The following NPAS3 variants were observed in gnomAD, a reference collection of about 807,000 sequenced individuals.
The protein encoded by NPAS3 is neuronal PAS domain protein 3, also known as neuronal PAS domain-containing protein 3.
A neutral mutation model predicts 73.1 loss-of-function variants in NPAS3; 14 were observed. The observed-to-expected ratio is 0.19, with a 90% CI of 0.13 to 0.30. The LOEUF (loss-of-function observed/expected upper bound fraction) is 0.30. Ranked by LOEUF, NPAS3 falls within the 10% of genes least tolerant of loss-of-function variation. The pLI is 1.00. For missense variants in NPAS3, 1,096 were observed against 1,250.0 expected, an observed-to-expected ratio of 0.88 and a Z score of 1.86; for synonymous variants, 620 against 541.5, an observed-to-expected ratio of 1.14 and a Z score of -2.01.
At chr14:33,027,716 C>T (rs2039856017) in intron 1 of NPAS3, among the ~76,000 whole-genome samples, 2 of 152,084 alleles carry the variant, frequency 1.3e-5, no homozygotes, top group Non-Finnish European at 2.9e-5. Flanking sequence ...ATTATAGATT[C>T]CTTTCCCTTC....
chr14:33,252,460 G>A (rs1367188222), intron 3 of NPAS3, among the ~76,000 whole-genome samples: 1 of 151,800 alleles, frequency 6.6e-6, no homozygotes, highest in Non-Finnish European at 1.5e-5. Context: ...CAGTGTAGTA[G>A]GTATTCTTAT....
In NPAS3 at chr14:33,433,627, A is replaced by T. The variant is rs573058135; in HGVS notation, c.468+66359A>T. ...TGCTTTTCTTAGCAAGCAGCAGCCA[A>T]GATAGGGCCTTGTACTCTTGGACTT... is the stretch of plus-strand genomic sequence containing the variant. On this transcript the variant is annotated intron_variant, in intron 4 of 11. Transcript: ENST00000356141. Among the ~76,000 whole-genome samples the T allele has an allele frequency of 8.5e-5, 13 of 152,298 alleles. No homozygotes were observed. The South Asian group carries it at 2.5e-3, about 29-fold the overall frequency.
intron 2 of NPAS3, among the ~76,000 whole-genome samples, chr14:33,136,091 C>T (rs996787020): frequency 4.9e-5 from 7 of 141,714 alleles, no homozygotes; most frequent in Admixed American, 7.4e-5. Flanking sequence ...GACAGAGTCT[C>T]GCTCTGTTAC....
intron 4 of NPAS3, among the ~76,000 whole-genome samples, chr14:33,464,663 G>A (rs2139538711): frequency 6.6e-6 from 1 of 152,318 alleles, no homozygotes; most frequent in East Asian, 1.9e-4. Flanking sequence ...CTGCAGCTGT[G>A]ACACAAGTTG....
chr14:33,714,189 C>T (rs886849187), intron 6 of NPAS3, among the ~76,000 whole-genome samples: 7 of 152,068 alleles, frequency 4.6e-5, no homozygotes, highest in African/African-American at 1.7e-4. Context: ...CTCTCTCCCT[C>T]AGCATTTCAT....
intron 5 of NPAS3, among the ~76,000 whole-genome samples, chr14:33,604,819 A>G (rs189660480): frequency 2.6e-5 from 4 of 152,234 alleles, no homozygotes; most frequent in Admixed American, 2.6e-4. Context: ...AAAAGCTTCA[A>G]ATATGTGGAA....
chr14:33,381,011 T>C (rs989265618), intron 4 of NPAS3, among the ~76,000 whole-genome samples: 1 of 152,176 alleles, frequency 6.6e-6, no homozygotes, highest in African/African-American at 2.4e-5. Flanking sequence ...TTTTTTTTTT[T>C]TTGTAAGTGG....
intron 2 of NPAS3, among the ~76,000 whole-genome samples, chr14:33,148,280 G>T (rs1566611033): frequency 6.6e-6 from 1 of 152,088 alleles, no homozygotes; most frequent in Non-Finnish European, 1.5e-5. Context: ...GCTTAGAAAT[G>T]TACTAAATTA....
At chr14:33,601,158 G>A (rs1472210892) in intron 5 of NPAS3, among the ~76,000 whole-genome samples, 2 of 152,280 alleles carry the variant, frequency 1.3e-5, no homozygotes, top group East Asian at 1.9e-4. Context: ...AATTTATGTC[G>A]TGAAACAAGT....
In NPAS3 at chr14:33,647,182, C is replaced by A. The variant is rs572530292; in HGVS notation, c.559-29029C>A. 2.0e-5 allele frequency among the ~76,000 whole-genome samples: 3 copies of A among 152,208 alleles called. 1 individual carries two copies. In the South Asian group the frequency reaches 6.2e-4, roughly 32 times the overall value. On this transcript the variant is annotated intron_variant, in intron 5 of 11. Transcript: ENST00000356141. The stretch of plus-strand genomic sequence containing the variant: ...TAATGAACTAGATAGTCTAAGTATC[C>A]TCAGAGCATAAATCCTTCCAGAATG...
At chr14:33,026,037 G>C (rs2039789227) in intron 1 of NPAS3, among the ~76,000 whole-genome samples, 1 of 152,118 alleles carries the variant, frequency 6.6e-6, no homozygotes, top group Admixed American at 6.5e-5. Flanking sequence ...TCTTCATTGA[G>C]GCCTTCACCG....
intron 5 of NPAS3, among the ~76,000 whole-genome samples, chr14:33,595,112 C>A (rs2057196370): frequency 6.6e-6 from 1 of 152,148 alleles, no homozygotes; most frequent in South Asian, 2.1e-4. Flanking sequence ...AGCTAAATTT[C>A]TCTGGATGTG....
Position 33,085,597 on chromosome 14 carries a change from A to G in NPAS3, c.140+29603A>G, listed in dbSNP as rs941101087. On this transcript the variant is annotated intron_variant, in intron 2 of 11. Transcript: ENST00000356141. ...TAAACCAAAGGTTTCTGGATCTTTA[A>G]TGCAAGCTGAGCCCCCCCAACACAC... Among the ~76,000 whole-genome samples the G allele has an allele frequency of 5.3e-5, 8 of 152,176 alleles. No individual in the cohort carries two copies. In the South Asian group the frequency reaches 6.2e-4, roughly 12 times the overall value.
intron 6 of NPAS3, among the ~76,000 whole-genome samples, chr14:33,701,947 G>T (rs1482483762): frequency 6.6e-6 from 1 of 152,152 alleles, no homozygotes; most frequent in Non-Finnish European, 1.5e-5. Context: ...AGCAAGAGAT[G>T]GATGTAGAAC....
intron 2 of NPAS3, among the ~76,000 whole-genome samples, chr14:33,118,792 G>A (rs1210151699): frequency 1.3e-5 from 2 of 151,950 alleles, no homozygotes; most frequent in African/African-American, 2.4e-5. Flanking sequence ...AGAAGGCTGA[G>A]CTTAATATAA....
intron 1 of NPAS3, among the ~76,000 whole-genome samples, chr14:32,971,234 G>A (rs185219729): frequency 5.3e-5 from 8 of 151,894 alleles, no homozygotes; most frequent in South Asian, 4.2e-4. Context: ...ACAGGCATGC[G>A]CCACCATGCC....
At chr14:33,784,311 G>A (rs898970091) in intron 9 of NPAS3, among the ~76,000 whole-genome samples, 1 of 152,210 alleles carries the variant, frequency 6.6e-6, no homozygotes, top group African/African-American at 2.4e-5. Context: ...AGCAACTAAG[G>A]TATGGTGTCC....
intron 1 of NPAS3, among the ~76,000 whole-genome samples, chr14:33,042,182 C>T (rs2138422337): frequency 6.6e-6 from 1 of 152,182 alleles, no homozygotes; most frequent in African/African-American, 2.4e-5. Context: ...TTTGACTTCC[C>T]ATTATTCCTC....
At chr14:33,344,735 A>G (rs890085662) in intron 3 of NPAS3, among the ~76,000 whole-genome samples, 1 of 152,240 alleles carries the variant, frequency 6.6e-6, no homozygotes, top group African/African-American at 2.4e-5. Flanking sequence ...TTATCATTGA[A>G]AAAATTTAAT....
Sources: gnomAD v4.1 joint callset for allele counts (sites outside exome capture counted in the v4.1 genomes callset) on GRCh38, gnomAD v4.1.1 for gene constraint, MANE v1.5 for transcripts, NCBI Gene and HGNC (gene_info 2026-07-23, HGNC 2026-07-21) for gene names.